PCNX2: variants seen among roughly 807,000 people sequenced by gnomAD.
The protein encoded by PCNX2 is pecanex 2, also known as pecanex-like protein 2.
Under a neutral mutation model 223.8 loss-of-function variants are expected in PCNX2, and 168 were observed. The ratio of observed to expected loss-of-function variants is 0.75; its 90% confidence interval spans 0.66 to 0.85. The LOEUF is 0.85. Ranked by LOEUF, PCNX2 falls within the 40% of genes least tolerant of loss-of-function variation. The pLI is 0.00. For missense variants in PCNX2, 2,507 were observed against 2,675.5 expected, an observed-to-expected ratio of 0.94 and a Z score of 1.39; for synonymous variants, 1,006 against 1,052.6, an observed-to-expected ratio of 0.96 and a Z score of 0.86.
chr1:233,291,968 A>T (rs1661791538), intron 1 of PCNX2: 7 of 985,264 alleles, frequency 7.1e-6, no homozygotes, highest in Non-Finnish European at 7.2e-6. Context: ...AAGTTATCCA[A>T]ATTGACTTAC....
At chr1:233,079,747 C>T (rs6683345) in intron 23 of PCNX2, among the ~76,000 whole-genome samples, 1,687 of 152,174 alleles carry the variant, frequency 0.011, 30 homozygotes, top group African/African-American at 0.039. Flanking sequence ...CTGTGTCCCT[C>T]GGCCCAGCCT....
intron 21 of PCNX2, among the ~76,000 whole-genome samples, chr1:233,129,524 C>A (rs909588252): frequency 6.6e-6 from 1 of 152,230 alleles, no homozygotes; most frequent in Admixed American, 6.5e-5. Context: ...GCGGGACTGG[C>A]AGGCAGCTCC....
chr1:233,263,331 C>T (rs148578322), intron 1 of PCNX2, among the ~76,000 whole-genome samples, 168 bp from the exon 2 acceptor site: 1,549 of 152,034 alleles, frequency 0.01, 14 homozygotes, highest in South Asian at 0.027. Flanking sequence ...GAAAGAGCTG[C>T]TTTTTATTTT....
chr1:233,214,764 T>C (rs1333961683), intron 12 of PCNX2, among the ~76,000 whole-genome samples: 1 of 152,162 alleles, frequency 6.6e-6, no homozygotes, highest in Non-Finnish European at 1.5e-5. Context: ...CTTTCTAAGC[T>C]CTCCCAGACC....
intron 8 of PCNX2, among the ~76,000 whole-genome samples, chr1:233,243,835 T>A (rs918815914): frequency 6.8e-6 from 1 of 147,032 alleles, no homozygotes; most frequent in Admixed American, 6.6e-5. Context: ...TATTTTTTAT[T>A]TTTTATTTTT....
intron 21 of PCNX2, among the ~76,000 whole-genome samples, chr1:233,118,939 A>T (rs933253372): frequency 2.7e-4 from 41 of 152,348 alleles, no homozygotes; most frequent in Admixed American, 2.0e-4. Flanking sequence ...GAATCCATCT[A>T]CCCAATTTCA....
In PCNX2 at chr1:233,258,865, C is replaced by A. The variant is rs1256291510; in HGVS notation, c.997G>T (p.Val333Leu). Reference protein sequence around the residue: ...VEEPADTSCQVDTSCQGDLPL... With the variant: ...VEEPADTSCQLDTSCQGDLPL... ...AGGTCCCCCTGGCAGGAGGTATCTA[C>A]CTGACAGGATGTGTCTGCTGGCTCC... Residue 333 changes from valine to leucine, a missense_variant, in exon 5 of 34, where the codon GTA becomes TTA. By Grantham distance (32) the Val-to-Leu change is conservative (BLOSUM62 1). Transcript: ENST00000258229. 1.2e-6 allele frequency: 2 copies of A among 1,613,972 alleles called. No individual in the cohort carries two copies. Among genetic ancestry groups the A allele is most frequent in the Non-Finnish European group, 1.7e-6 (2 of 1,179,884 alleles).
chr1:232,991,254 T>A lies in PCNX2; in HGVS notation c.5792-4714A>T, dbSNP rs554341252. ...TGAGTAAGCGAAGGAGCTGCAAGCC[T>A]GGGAGAGGGACACTGGGGACAGAGG... On this transcript the variant is annotated intron_variant, in intron 32 of 33. Transcript: ENST00000258229. This position sits in a 1 kb window ranked among gnomAD's most constrained non-coding sequence, Gnocchi z 4.3. Among the ~76,000 whole-genome samples the A allele has an allele frequency of 1.3e-5, 2 of 151,956 alleles. No homozygotes were observed. The highest frequency in any genetic ancestry group is 4.8e-5 in the African/African-American group (2 of 41,436).
chr1:233,087,090 G>A (rs1360959854), intron 23 of PCNX2: 1 of 985,278 alleles, frequency 1.0e-6, no homozygotes, highest in African/African-American at 1.7e-5. Context: ...CCAGTTCAGG[G>A]AGAAAAGGGA....
chr1:233,325,110 A>G, the PCNX2 span, among the ~76,000 whole-genome samples: 2 of 152,304 alleles, frequency 1.3e-5, no homozygotes, highest in East Asian at 3.9e-4. Flanking sequence ...ATTATTTAAG[A>G]AATACATTTT....
intron 32 of PCNX2, among the ~76,000 whole-genome samples, chr1:232,989,583 G>A (rs1669623851): frequency 6.6e-6 from 1 of 152,148 alleles, no homozygotes; most frequent in Admixed American, 6.5e-5. Flanking sequence ...ACACTGTGTT[G>A]TCACTGTCTG....
rs141953321 is a variant in PCNX2, at chr1:233,232,103, A to T, written c.2359-4732T>A. Among the ~76,000 whole-genome samples, 919 of 152,334 alleles carry T rather than the reference A, an allele frequency of 6.0e-3. 13 individuals carry two copies. Among genetic ancestry groups the T allele is most frequent in the African/African-American group, 0.021 (874 of 41,568 alleles). On this transcript the variant is annotated intron_variant, in intron 9 of 33. Transcript: ENST00000258229. ...TTTGAGGGATAAAACATATTTTTTT[A>T]AAAGTAGAATTATCCTATTATAACA...
chr1:233,320,536 C>T, the PCNX2 span, among the ~76,000 whole-genome samples: 1 of 152,148 alleles, frequency 6.6e-6, no homozygotes, highest in Non-Finnish European at 1.5e-5. Context: ...TTGATAACCA[C>T]TAATCTTTTC....
chr1:233,231,034 T>C (rs1019802971), intron 9 of PCNX2, among the ~76,000 whole-genome samples: 1 of 152,208 alleles, frequency 6.6e-6, no homozygotes, highest in Non-Finnish European at 1.5e-5. Context: ...TTTTGCCATA[T>C]ATTATCTCTA....
intron 8 of PCNX2, among the ~76,000 whole-genome samples, chr1:233,245,843 G>A (rs1404024954): frequency 6.6e-6 from 1 of 152,160 alleles, no homozygotes; most frequent in Non-Finnish European, 1.5e-5. Flanking sequence ...TTGAACCCAG[G>A]AGGCAGAGGT....
intron 16 of PCNX2, among the ~76,000 whole-genome samples, chr1:233,178,434 T>A (rs1234668873): frequency 6.6e-6 from 1 of 152,192 alleles, no homozygotes; most frequent in Non-Finnish European, 1.5e-5. Context: ...CACTGTGGCA[T>A]CACATGAAAG....
At chr1:233,277,246 G>A (rs904183445) in intron 1 of PCNX2, among the ~76,000 whole-genome samples, 4 of 152,198 alleles carry the variant, frequency 2.6e-5, no homozygotes, top group African/African-American at 9.6e-5. Context: ...TTCAATCCCT[G>A]CTGGGAGGCC....
At chr1:233,298,095 T>C (rs1662202748), upstream of PCNX2, among the ~76,000 whole-genome samples, 1 of 151,966 alleles carries the variant, frequency 6.6e-6, no homozygotes, top group Non-Finnish European at 1.5e-5. Flanking sequence ...GTTTCTGAAA[T>C]AGGATTTATA....
upstream of PCNX2, among the ~76,000 whole-genome samples, chr1:233,299,916 C>T (rs1662233006): frequency 6.6e-6 from 1 of 152,194 alleles, no homozygotes; most frequent in Admixed American, 6.5e-5. Context: ...CTTTCCATCA[C>T]ATTCAGAAAA....
Sources: allele counts gnomAD v4.1 joint callset (sites outside exome capture counted in the v4.1 genomes callset), GRCh38; gene constraint gnomAD v4.1.1; non-coding constraint Gnocchi (gnomAD v3.1); transcripts MANE v1.5; gene names NCBI Gene and HGNC (gene_info 2026-07-23, HGNC 2026-07-21).